ISOC2: variants seen among roughly 807,000 people sequenced by gnomAD.
ISOC2 encodes the protein isochorismatase domain-containing protein 2.
ISOC2 carries 15 observed loss-of-function variants against 19.3 expected under a neutral mutation model. The ratio of observed to expected loss-of-function variants is 0.78; its 90% CI spans 0.52 to 1.20. The LOEUF (loss-of-function observed/expected upper bound fraction) is 1.20, where lower values mean the gene tolerates loss of function less well. Ranked by LOEUF, ISOC2 falls within the 50% of genes most tolerant of loss-of-function variation. The pLI is 0.00. For missense variants in ISOC2, 285 were observed against 272.4 expected, an observed-to-expected ratio of 1.05 and a Z score of -0.33; for synonymous variants, 106 against 115.8, an observed-to-expected ratio of 0.92 and a Z score of 0.54.
Position 55,458,847 on chromosome 19 carries a change from C to T in ISOC2, c.-3-2358G>A, listed in dbSNP as rs186958606. Among the ~76,000 whole-genome samples, 481 of 151,820 alleles carry T rather than the reference C, an allele frequency of 3.2e-3. 2 individuals carry two copies. The highest frequency in any genetic ancestry group is 0.011 in the African/African-American group (464 of 41,374). ...TGGCCTTGAGCTGCTATTTTCAAAG[C>T]TGGGTAGTTAGGACACTGTTGTTCC... On this transcript the variant is annotated intron_variant, in intron 1 of 5. Coordinates refer to ENST00000425675, the MANE Select transcript of ISOC2 (RefSeq NM_001136201.2).
At chr19:55,454,859 C>T in intron 5 of ISOC2, 130 bp downstream of exon 5, 1 of 721,280 alleles carries the variant, frequency 1.4e-6, no homozygotes, top group Non-Finnish European at 2.5e-6. Context: ...CAGTGACCAG[C>T]AGCCTCCCCT....
intron 1 of ISOC2, among the ~76,000 whole-genome samples, chr19:55,458,356 CT>C (rs1349922832): frequency 3.3e-5 from 5 of 152,168 alleles, no homozygotes; most frequent in Admixed American, 6.5e-5. Flanking sequence ...TTGGGCTGGG[CT>C]TTTGTCTGCA....
At chr19:55,455,596 G>C (rs1260903553) in intron 3 of ISOC2, 40 bp downstream of exon 3, 1 of 1,486,448 alleles carries the variant, frequency 6.7e-7, no homozygotes. Context: ...GGGGGTCCCA[G>C]GTTAGAACGA....
chr19:55,455,117 GA>G lies in ISOC2; in HGVS notation c.420-12del. On this transcript the variant is annotated splice_polypyrimidine_tract_variant and intron_variant, in intron 4 of 5. Coordinates refer to ENST00000425675, the MANE Select transcript of ISOC2 (RefSeq NM_001136201.2). ...AGCCGGTCCACCTGGCTGTGAGTGG[GA>G]GGGAGGGAGGGAAGGTTGGTGTGGA... The G allele has an allele frequency of 7.7e-7, 1 of 1,295,198 alleles. No homozygotes were observed. The highest frequency in any genetic ancestry group is 1.1e-6 in the Non-Finnish European group (1 of 895,828). 80.2% of individuals were successfully genotyped at this position (1,295,198 alleles called of 1,614,324 possible).
At position 55,453,276 on chromosome 19, in the gene ISOC2, AG is replaced by A. The variant is rs766095917; in HGVS notation, c.*31del. Reference sequence around the variant, plus strand: ...CTTCCACTGAGGTCCGGGTGACAGGAGGGTGGTCTTCCCTCAAGGCAGGGTT... The same window carrying A: ...CTTCCACTGAGGTCCGGGTGACAGGAGGTGGTCTTCCCTCAAGGCAGGGTT... On this transcript the variant is annotated 3_prime_UTR_variant, in exon 6 of 6. Coordinates refer to ENST00000425675, the MANE Select transcript of ISOC2 (RefSeq NM_001136201.2). The A allele has an allele frequency of 6.5e-7, 1 of 1,528,730 alleles. No individual in the cohort carries two copies. The highest frequency in any genetic ancestry group is 1.9e-5 in the Admixed American group (1 of 53,020). 94.7% of individuals were successfully genotyped at this position (1,528,730 alleles called of 1,614,324 possible). A position where few individuals can be genotyped will look rare whatever the true frequency, so the allele number is the denominator to read the frequency against.
intron 1 of ISOC2, among the ~76,000 whole-genome samples, chr19:55,456,935 G>GA (rs1986080553): frequency 2.0e-5 from 3 of 152,114 alleles, no homozygotes; most frequent in African/African-American, 7.2e-5. Context: ...GTCACCATCA[G>GA]CCCCGGTTAC....
chr19:55,455,096 G>C lies in ISOC2; in HGVS notation c.430C>G (p.Arg144Gly). ...DACSSRSQVDRLVALARMRQS... is the reference protein window; with the variant it reads ...DACSSRSQVDGLVALARMRQS... Reference sequence around the variant, plus strand: ...CTCATGCGGGCCAGAGCCACCAGCCGGTCCACCTGGCTGTGAGTGGGAGGG... The same window carrying C: ...CTCATGCGGGCCAGAGCCACCAGCCCGTCCACCTGGCTGTGAGTGGGAGGG... Residue 144 changes from arginine to glycine, a missense_variant, in exon 5 of 6, where the codon CGG (arginine) becomes GGG (glycine). Physicochemically the swap from Arg to Gly is moderately radical, Grantham distance 125 (BLOSUM62 -2). Coordinates refer to ENST00000425675, the MANE Select transcript of ISOC2 (RefSeq NM_001136201.2). 1 of 1,607,704 alleles carries C rather than the reference G, an allele frequency of 6.2e-7. No individual in the cohort carries two copies.
chr19:55,459,456 T>A (rs1986166753), intron 1 of ISOC2, among the ~76,000 whole-genome samples: 1 of 152,154 alleles, frequency 6.6e-6, no homozygotes, highest in East Asian at 1.9e-4. Context: ...GGGAGTCAGA[T>A]ACAGCTTGGC....
At chr19:55,459,285 T>G (rs1986163264) in intron 1 of ISOC2, among the ~76,000 whole-genome samples, 1 of 152,192 alleles carries the variant, frequency 6.6e-6, no homozygotes, top group South Asian at 2.1e-4. Flanking sequence ...GTTTTCTATG[T>G]GCACCATATC....
At chr19:55,458,837 A>G (rs1024473801) in intron 1 of ISOC2, among the ~76,000 whole-genome samples, 2 of 149,392 alleles carry the variant, frequency 1.3e-5, no homozygotes, top group Non-Finnish European at 3.0e-5. Context: ...TTGAGCTGCT[A>G]TTTTCAAAGC....
intron 1 of ISOC2, among the ~76,000 whole-genome samples, chr19:55,460,543 G>A (rs1986200448): frequency 6.6e-6 from 1 of 152,174 alleles, no homozygotes; most frequent in African/African-American, 2.4e-5. Context: ...GCCAAAACCC[G>A]GCAAAACTGA....
In ISOC2 at chr19:55,453,360, G is replaced by A; in HGVS notation, c.566C>T (p.Pro189Leu). 2 of 1,607,028 alleles carry A rather than the reference G, an allele frequency of 1.2e-6. No homozygotes were observed. The highest frequency in any genetic ancestry group is 1.7e-6 in the Non-Finnish European group (2 of 1,176,988). Residue 189 changes from proline to leucine, a missense_variant, in exon 6 of 6, where the codon CCA (proline) becomes CTA (leucine). Transcript: ENST00000425675. Reference sequence around the variant, plus strand: ...GAAGAGGCCCAGCAGTCCGCTGTCTGGGGCGGGCTCCTTGATGAGTTTCTG... The same window carrying A: ...GAAGAGGCCCAGCAGTCCGCTGTCTAGGGCGGGCTCCTTGATGAGTTTCTG... ...EIQKLIKEPAPDSGLLGLFQG... is the reference protein window; with the variant it reads ...EIQKLIKEPALDSGLLGLFQG...
intron 1 of ISOC2, among the ~76,000 whole-genome samples, chr19:55,459,463 T>C (rs997585932): frequency 6.6e-6 from 1 of 152,168 alleles, no homozygotes; most frequent in African/African-American, 2.4e-5. Context: ...AGATACAGCT[T>C]GGCAGGGGCT....
chr19:55,453,167 A>C lies in ISOC2; in HGVS notation c.*141T>G. 1.8e-6 allele frequency: 1 copy of C among 543,204 alleles called. No homozygotes were observed. 33.6% of individuals were successfully genotyped at this position (543,204 alleles called of 1,614,324 possible). A position where few individuals can be genotyped will look rare whatever the true frequency, so the allele number is the denominator to read the frequency against. ...TTCCGGGAGCAGCTGTCCAATGGGA[A>C]GGCAGCACCCTGCCCCCCCCACAAG... On this transcript the variant is annotated 3_prime_UTR_variant, in exon 6 of 6. Coordinates refer to ENST00000425675, the MANE Select transcript of ISOC2 (RefSeq NM_001136201.2).
At chr19:55,458,724 C>G (rs547526506) in intron 1 of ISOC2, among the ~76,000 whole-genome samples, 1 of 151,588 alleles carries the variant, frequency 6.6e-6, no homozygotes, top group East Asian at 2.0e-4. Flanking sequence ...GATGGGGTTT[C>G]ACCATGTTGG....
intron 1 of ISOC2, among the ~76,000 whole-genome samples, chr19:55,457,467 A>G (rs1311895316): frequency 2.7e-5 from 4 of 150,188 alleles, no homozygotes; most frequent in Admixed American, 1.3e-4. Flanking sequence ...CCCAGGAGGC[A>G]GAGGTTGTAG....
intron 1 of ISOC2, among the ~76,000 whole-genome samples, chr19:55,461,101 T>G (rs1229433671): frequency 8.6e-5 from 13 of 151,212 alleles, no homozygotes; most frequent in Admixed American, 8.5e-4. Flanking sequence ...GAGGAGAGAT[T>G]CAGCCTGGGT....
intron 1 of ISOC2, among the ~76,000 whole-genome samples, chr19:55,461,077 G>C (rs1158144747): frequency 1.3e-5 from 2 of 152,006 alleles, no homozygotes; most frequent in Non-Finnish European, 2.9e-5. Flanking sequence ...AGGGTTGGGC[G>C]TGTCCTGCGG....
intron 1 of ISOC2, among the ~76,000 whole-genome samples, chr19:55,460,977 G>C (rs1986216544): frequency 6.6e-6 from 1 of 152,178 alleles, no homozygotes; most frequent in Non-Finnish European, 1.5e-5. Flanking sequence ...GGGGATCCCG[G>C]GGAGGGGAAC....
Sources: gnomAD v4.1 joint callset for allele counts (sites outside exome capture counted in the v4.1 genomes callset) on GRCh38, gnomAD v4.1.1 for gene constraint, MANE v1.5 for transcripts, NCBI Gene and HGNC (gene_info 2026-07-23, HGNC 2026-07-21) for gene names.